The following KCNIP4 variants were observed in gnomAD, a reference collection of about 807,000 sequenced individuals.
KCNIP4 encodes the protein Kv channel-interacting protein 4.
A neutral mutation model predicts 34.0 loss-of-function variants in KCNIP4; 12 were observed. That is an observed-to-expected ratio of 0.35 (90% CI 0.23 to 0.57). KCNIP4 has a LOEUF of 0.57. Among genes scored for constraint, KCNIP4 ranks in the 20% least tolerant of loss-of-function variants. The pLI is 0.83. For synonymous variants in KCNIP4, 124 were observed against 102.2 expected (o/e 1.21, Z -1.29); for missense variants, 238 against 311.7 (o/e 0.76, Z 1.78).
chr4:21,584,428 A>C (rs1257190637), intron 1 of KCNIP4, among the ~76,000 whole-genome samples: 1 of 152,142 alleles, frequency 6.6e-6, no homozygotes, highest in African/African-American at 2.4e-5. Flanking sequence ...CCATAACAGA[A>C]TCATTCTTCG....
Position 21,716,268 on chromosome 4 carries a change from G to A in KCNIP4, c.61+232303C>T, listed in dbSNP as rs150162859. Among the ~76,000 whole-genome samples, 462 of 152,086 alleles carry A rather than the reference G, an allele frequency of 3.0e-3. 7 individuals carry two copies. Among genetic ancestry groups the A allele is most frequent in the African/African-American group, 0.011 (438 of 41,478 alleles). Reference sequence around the variant, plus strand: ...ATTTTTATTTTTGAGATAGAGTCTTGTTCTGTCTCCCAGGCTGGAGTGCAA... The same window carrying A: ...ATTTTTATTTTTGAGATAGAGTCTTATTCTGTCTCCCAGGCTGGAGTGCAA... On this transcript the variant is annotated intron_variant, in intron 1 of 8. Coordinates refer to ENST00000382152, the MANE Select transcript of KCNIP4 (RefSeq NM_025221.6).
chr4:20,925,419 A>G (rs375342473), intron 1 of KCNIP4, among the ~76,000 whole-genome samples: 1 of 152,148 alleles, frequency 6.6e-6, no homozygotes, highest in South Asian at 2.1e-4. Context: ...AACCTACCAA[A>G]ACCAAGATGG....
At chr4:20,921,911 T>C (rs1729423755) in intron 1 of KCNIP4, among the ~76,000 whole-genome samples, 1 of 152,258 alleles carries the variant, frequency 6.6e-6, no homozygotes, top group Non-Finnish European at 1.5e-5. Context: ...ATGCTAGATT[T>C]ATGACATCCA....
Position 21,234,417 on chromosome 4 carries a change from CT to C in KCNIP4, c.62-351709del, listed in dbSNP as rs1759167472. On this transcript the variant is annotated intron_variant, in intron 1 of 8. Transcript: ENST00000382152. ...TATATAATATATTATATAACATATA[CT>C]ATATATATTACATATAACGTATATA... 2.4e-5 allele frequency among the ~76,000 whole-genome samples: 3 copies of C among 125,180 alleles called. 1 individual carries two copies. The highest frequency in any genetic ancestry group is 6.4e-5 in the African/African-American group (2 of 31,238). The allele number at this position is 125,180 out of a possible 152,430, so 82.1% of individuals were successfully genotyped here.
At chr4:21,784,391 T>C (rs566717179) in intron 1 of KCNIP4, among the ~76,000 whole-genome samples, 2 of 152,066 alleles carry the variant, frequency 1.3e-5, no homozygotes, top group South Asian at 4.2e-4. Flanking sequence ...AACAAAAACT[T>C]TCTTGCCCAA....
chr4:21,148,736 T>A (rs1269795262), intron 1 of KCNIP4, among the ~76,000 whole-genome samples: 1 of 149,810 alleles, frequency 6.7e-6, no homozygotes, highest in African/African-American at 2.4e-5. Flanking sequence ...CCAAGTAAAG[T>A]GACAAATCAC....
At chr4:21,357,992 A>G (rs1420534091) in intron 1 of KCNIP4, among the ~76,000 whole-genome samples, 1 of 152,168 alleles carries the variant, frequency 6.6e-6, no homozygotes, top group African/African-American at 2.4e-5. Context: ...TGCAGCCATA[A>G]AAAAGGATGA....
At chr4:20,847,215 A>T (rs1420593521) in intron 3 of KCNIP4, among the ~76,000 whole-genome samples, 1 of 152,122 alleles carries the variant, frequency 6.6e-6, no homozygotes, top group Non-Finnish European at 1.5e-5. Flanking sequence ...AGTTATCATT[A>T]TCCCAGTTTA....
intron 1 of KCNIP4, among the ~76,000 whole-genome samples, chr4:21,682,875 CACTT>C (rs1750484237): frequency 6.6e-6 from 1 of 152,094 alleles, no homozygotes; most frequent in African/African-American, 2.4e-5. Flanking sequence ...CACTCCAAAA[CACTT>C]ACGATAGTAA....
intron 1 of KCNIP4, among the ~76,000 whole-genome samples, chr4:20,995,011 C>T (rs916786408): frequency 6.6e-6 from 1 of 152,198 alleles, no homozygotes; most frequent in South Asian, 2.1e-4. Flanking sequence ...TCAGCTCTAA[C>T]CCCTTCTGAA....
chr4:21,419,329 C>T (rs1035397331), intron 1 of KCNIP4, among the ~76,000 whole-genome samples: 1 of 152,062 alleles, frequency 6.6e-6, no homozygotes, highest in Non-Finnish European at 1.5e-5. Flanking sequence ...TCCTAACTTT[C>T]ATTATGTGAT....
intron 1 of KCNIP4, among the ~76,000 whole-genome samples, chr4:21,460,309 T>C (rs1263177028): frequency 6.6e-6 from 1 of 152,016 alleles, no homozygotes; most frequent in African/African-American, 2.4e-5. Context: ...AATGTCATCT[T>C]CTCAGTGCAA....
chr4:21,453,306 T>C lies in KCNIP4; in HGVS notation c.61+495265A>G, dbSNP rs114033456. On this transcript the variant is annotated intron_variant, in intron 1 of 8. Coordinates refer to ENST00000382152, the MANE Select transcript of KCNIP4 (RefSeq NM_025221.6). ...GGAAAACATAAGTAGTAACAATATA[T>C]TGAACCCTTTATATGAAAGAGGTAG... Among the ~76,000 whole-genome samples the C allele has an allele frequency of 1.5e-3, 221 of 152,202 alleles. 1 individual carries two copies. Among genetic ancestry groups the C allele is most frequent in the African/African-American group, 5.1e-3 (212 of 41,518 alleles).
intron 1 of KCNIP4, among the ~76,000 whole-genome samples, chr4:21,681,215 C>T (rs115488870): frequency 0.029 from 4,342 of 152,150 alleles, 212 homozygotes; most frequent in African/African-American, 0.099. Context: ...GCTGGGACTA[C>T]GTACAGTCTC....
chr4:21,441,580 T>C (rs1727488671), intron 1 of KCNIP4, among the ~76,000 whole-genome samples: 1 of 152,134 alleles, frequency 6.6e-6, no homozygotes, highest in African/African-American at 2.4e-5. Flanking sequence ...TTAGGCAAAT[T>C]ATATTACCCT....
intron 1 of KCNIP4, among the ~76,000 whole-genome samples, chr4:21,682,273 A>T (rs1164913431): frequency 6.6e-6 from 1 of 152,146 alleles, no homozygotes; most frequent in African/African-American, 2.4e-5. Context: ...GATGGTGCTA[A>T]CCCATTCCTG....
At chr4:20,758,759 T>C in intron 4 of KCNIP4, 62 bp downstream of exon 4, 1 of 1,297,176 alleles carries the variant, frequency 7.7e-7, no homozygotes, top group South Asian at 1.3e-5. Context: ...AAAATTAAAC[T>C]CAACACTGCA....
intron 1 of KCNIP4, among the ~76,000 whole-genome samples, chr4:20,987,942 A>C (rs1736726175): frequency 7.0e-6 from 1 of 142,994 alleles, no homozygotes; most frequent in African/African-American, 2.6e-5. Flanking sequence ...CGGAGCTTGC[A>C]GTGAGCCGAG....
intron 1 of KCNIP4, among the ~76,000 whole-genome samples, chr4:21,567,806 G>A (rs902017656): frequency 1.1e-4 from 16 of 152,082 alleles, no homozygotes; most frequent in Non-Finnish European, 1.5e-4. Flanking sequence ...TGAGTATCCT[G>A]AGGAATCAGT....
Sources: allele counts gnomAD v4.1 joint callset (sites outside exome capture counted in the v4.1 genomes callset), GRCh38; gene constraint gnomAD v4.1.1; transcripts MANE v1.5; gene names NCBI Gene and HGNC (gene_info 2026-07-23, HGNC 2026-07-21).